The following ANKRD36 variants were observed in gnomAD, a reference collection of about 807,000 sequenced individuals.
The protein encoded by ANKRD36 is ankyrin repeat domain 36, also known as ankyrin repeat domain-containing protein 36A.
In ANKRD36, 179 loss-of-function variants were observed where a neutral mutation model predicts 278.1. That is an observed-to-expected ratio of 0.64 (90% CI 0.57 to 0.73). The LOEUF is 0.73. Ranked by LOEUF, ANKRD36 falls within the 30% of genes least tolerant of loss-of-function variation. The pLI is 0.00. For missense variants in ANKRD36, 1,159 were observed against 1,956.7 expected (o/e 0.59, Z 7.69); for synonymous variants, 320 against 641.1 (o/e 0.50, Z 7.57).
intron 46 of ANKRD36, among the ~76,000 whole-genome samples, 188 bp from the exon 47 acceptor site, chr2:97,202,014 A>C (rs2061509294): frequency 6.6e-6 from 1 of 151,892 alleles, no homozygotes; most frequent in South Asian, 2.1e-4. Flanking sequence ...GGTATATTTC[A>C]TGGAGCCTGT....
intron 22 of ANKRD36, among the ~76,000 whole-genome samples, chr2:97,173,018 T>A (rs1443215399): frequency 6.6e-6 from 1 of 150,642 alleles, no homozygotes. Context: ...TGCAAAAAAT[T>A]ATGTCAGTGC....
intron 58 of ANKRD36, among the ~76,000 whole-genome samples, chr2:97,211,992 A>C (rs183851157): frequency 2.0e-5 from 3 of 151,982 alleles, no homozygotes; most frequent in African/African-American, 7.2e-5. Context: ...TCAACACATA[A>C]CAGGCTCAGG....
At position 97,113,746 on chromosome 2, in the gene ANKRD36, G is replaced by A; in HGVS notation, c.7G>A (p.Asp3Asn). The A allele has an allele frequency of 6.2e-7, 1 of 1,610,640 alleles. No homozygotes were observed. The highest frequency in any genetic ancestry group is 1.1e-5 in the South Asian group (1 of 90,870). The change falls in exon 1 of 76, where the codon GAC becomes AAC. Residue 3 changes from aspartate (D) to asparagine (N), a missense_variant. Transcript: ENST00000420699. ME[D>N]GKRERWPTLM... ...CAATTTGCAGCCGACGATTATGGAA[G>A]ACGGCAAGCGGGAGAGGTGGCCCAC...
chr2:97,203,096 T>C (rs2061845765), intron 48 of ANKRD36, among the ~76,000 whole-genome samples: 1 of 151,838 alleles, frequency 6.6e-6, no homozygotes, highest in Admixed American at 6.6e-5. Context: ...TGATTTTAGT[T>C]ATATAATTGA....
At chr2:97,222,492 A>G (rs2068041126) in intron 66 of ANKRD36, among the ~76,000 whole-genome samples, 1 of 152,098 alleles carries the variant, frequency 6.6e-6, no homozygotes, top group African/African-American at 2.4e-5. Context: ...AGCATTTCTT[A>G]ATGCCTGCCA....
Position 97,243,941 on chromosome 2 carries a change from G to C in ANKRD36, c.4403G>C (p.Arg1468Thr). Residue 1468 changes from arginine (R) to threonine (T), a missense_variant, in exon 70 of 76, where the codon AGG becomes ACG. Physicochemically the swap from Arg to Thr is moderately conservative, Grantham distance 71 (BLOSUM62 -1). Transcript: ENST00000420699. ...EKLRITEEQY[R>T]IEADVTKPIK... Reference sequence around the variant, plus strand: ...TTAAGAATAACAGAAGAGCAATATAGGATAGAAGCTGATGTGACAAAACCA... The same window carrying C: ...TTAAGAATAACAGAAGAGCAATATACGATAGAAGCTGATGTGACAAAACCA... 1 of 1,603,164 alleles carries C rather than the reference G, an allele frequency of 6.2e-7. No individual in the cohort carries two copies. The highest frequency in any genetic ancestry group is 8.5e-7 in the Non-Finnish European group (1 of 1,176,452).
At chr2:97,254,816 GC>G (rs1209490975) in intron 75 of ANKRD36, among the ~76,000 whole-genome samples, 3 of 133,828 alleles carry the variant, frequency 2.2e-5, no homozygotes, top group Non-Finnish European at 4.5e-5. Context: ...CCATTTATAT[GC>G]CACTACCATG....
chr2:97,209,074 C>T (rs1347980609), intron 54 of ANKRD36, among the ~76,000 whole-genome samples: 23 of 146,550 alleles, frequency 1.6e-4, no homozygotes, highest in Non-Finnish European at 3.0e-4. Flanking sequence ...ATACAAGAAA[C>T]TTAGGCAAAT....
chr2:97,205,457 T>G (rs2062579478), intron 50 of ANKRD36, among the ~76,000 whole-genome samples: 1 of 151,554 alleles, frequency 6.6e-6, no homozygotes, highest in South Asian at 2.1e-4. Context: ...AAGTGTAAGT[T>G]CAACTGAAGC....
chr2:97,198,990 T>A (rs1347592472), intron 44 of ANKRD36, among the ~76,000 whole-genome samples: 1 of 151,860 alleles, frequency 6.6e-6, no homozygotes, highest in Non-Finnish European at 1.5e-5. Flanking sequence ...AGAGGAAGTA[T>A]AGAATTTACA....
In ANKRD36 at chr2:97,187,307, T is replaced by C. The variant is rs180711739; in HGVS notation, c.2071-22T>C. The C allele has an allele frequency of 4.6e-3, 7,366 of 1,598,326 alleles. 258 individuals carry two copies. In the African/African-American group the frequency reaches 0.083, roughly 18 times the overall value. ...ACTTCATTGATTTATTTATTTATTA[T>C]TTTCTTTCAAATTCCATTCAGGCTA... is the stretch of plus-strand genomic sequence containing the variant. On this transcript the variant is annotated intron_variant, in intron 31 of 75. Transcript: ENST00000420699.
At chr2:97,210,101 C>T (rs1390078819) in intron 56 of ANKRD36, among the ~76,000 whole-genome samples, 16 of 151,802 alleles carry the variant, frequency 1.1e-4, no homozygotes, top group South Asian at 6.3e-4. Flanking sequence ...AGAAGAAATA[C>T]GGAGAGCAGC....
At chr2:97,203,962 G>C in intron 48 of ANKRD36, 106 bp from the exon 49 acceptor site, 2 of 1,488,084 alleles carry the variant, frequency 1.3e-6, no homozygotes, top group Non-Finnish European at 1.8e-6. Context: ...CAAAGCATAC[G>C]CTAATACAGG....
intron 36 of ANKRD36, among the ~76,000 whole-genome samples, chr2:97,191,637 C>T (rs776283152): frequency 5.3e-5 from 8 of 151,542 alleles, no homozygotes; most frequent in East Asian, 2.0e-4. Context: ...CCAAGGAAGA[C>T]GGATTGTGAG....
At chr2:97,122,821 A>G in intron 3 of ANKRD36, 66 bp from the exon 4 acceptor site, 6 of 1,420,962 alleles carry the variant, frequency 4.2e-6, no homozygotes, top group Non-Finnish European at 5.7e-6. Flanking sequence ...TTACTTACAT[A>G]AGGTTTTCAG....
chr2:97,210,968 T>C (rs1421906328), intron 56 of ANKRD36, among the ~76,000 whole-genome samples: 2 of 151,856 alleles, frequency 1.3e-5, no homozygotes, highest in African/African-American at 4.8e-5. Flanking sequence ...CACATGGGGG[T>C]GAGAGATAAT....
intron 22 of ANKRD36, among the ~76,000 whole-genome samples, chr2:97,173,100 A>G (rs894239799): frequency 2.6e-5 from 4 of 151,578 alleles, no homozygotes; most frequent in Non-Finnish European, 5.9e-5. Context: ...TTGGTGCATC[A>G]AGGAGAGACT....
intron 17 of ANKRD36, among the ~76,000 whole-genome samples, chr2:97,159,680 G>A (rs1037893194): frequency 6.6e-6 from 1 of 150,830 alleles, no homozygotes; most frequent in African/African-American, 2.4e-5. Context: ...TCTTGGAGCT[G>A]TTTTAGCCTT....
chr2:97,127,316 G>C (rs199970500), intron 6 of ANKRD36, among the ~76,000 whole-genome samples, 182 bp downstream of exon 6: 11 of 151,056 alleles, frequency 7.3e-5, no homozygotes, highest in East Asian at 1.9e-4. Context: ...AATTTATAAT[G>C]TCAGTATTGT....
Sources: allele counts gnomAD v4.1 joint callset (sites outside exome capture counted in the v4.1 genomes callset), GRCh38; gene constraint gnomAD v4.1.1; transcripts MANE v1.5; gene names NCBI Gene and HGNC (gene_info 2026-07-23, HGNC 2026-07-21).